PNPLA8: variants seen among roughly 807,000 people sequenced by gnomAD.
PNPLA8 encodes calcium-independent phospholipase A2-gamma.
PNPLA8 carries 39 observed loss-of-function variants against 76.9 expected under a neutral mutation model. That is an observed-to-expected ratio of 0.51 (90% CI 0.39 to 0.66). The LOEUF is 0.66. PNPLA8 is among the 30% of genes least tolerant of loss of function. The probability of loss-of-function intolerance (pLI) is 0.00; values close to 1 mark genes in which losing one functional copy is unlikely to be tolerated. For missense variants in PNPLA8, 887 were observed against 918.0 expected (o/e 0.97, Z 0.44); for synonymous variants, 301 against 307.9 (o/e 0.98, Z 0.24).
chr7:108,513,697 T>C (rs1863096014), intron 4 of PNPLA8, among the ~76,000 whole-genome samples: 1 of 152,154 alleles, frequency 6.6e-6, no homozygotes, highest in Admixed American at 6.5e-5. Context: ...CTCATTGTTT[T>C]ACTTAATATG....
At chr7:108,476,266 A>G (rs1205225211) in intron 10 of PNPLA8, among the ~76,000 whole-genome samples, 1 of 152,232 alleles carries the variant, frequency 6.6e-6, no homozygotes, top group African/African-American at 2.4e-5. Flanking sequence ...ACACTGAGGC[A>G]ACATTTCATG....
intron 4 of PNPLA8, among the ~76,000 whole-genome samples, chr7:108,504,795 G>A (rs1274276802): frequency 2.6e-5 from 4 of 152,118 alleles, no homozygotes; most frequent in Non-Finnish European, 5.9e-5. Flanking sequence ...TACTGTGTCT[G>A]GCTGGGCATG....
Position 108,502,648 on chromosome 7 carries a change from T to G in PNPLA8, c.1207-6A>C, listed in dbSNP as rs781640682. ...AAATATGGAATAATTCTTTCCTATA[T>G]TGAGAGAAAAGATACTTTGTTGCTT... On this transcript the variant is annotated splice_region_variant and splice_polypyrimidine_tract_variant and intron_variant, in intron 4 of 10. Transcript: ENST00000257694. The G allele has an allele frequency of 5.0e-6, 8 of 1,596,526 alleles. No individual in the cohort carries two copies. Among genetic ancestry groups the G allele is most frequent in the Non-Finnish European group, 6.0e-6 (7 of 1,167,442 alleles).
chr7:108,505,573 G>C (rs866125579), intron 4 of PNPLA8, among the ~76,000 whole-genome samples: 1 of 150,990 alleles, frequency 6.6e-6, no homozygotes, highest in African/African-American at 2.4e-5. Flanking sequence ...ACGTTGGCCA[G>C]GATGGTCTTG....
At chr7:108,522,363 A>G (rs1419303968) in intron 1 of PNPLA8, among the ~76,000 whole-genome samples, 1 of 151,906 alleles carries the variant, frequency 6.6e-6, no homozygotes, top group African/African-American at 2.4e-5. Flanking sequence ...TGCTACCTGG[A>G]GCCTTCATCT....
intron 4 of PNPLA8, chr7:108,510,624 T>A: frequency 6.4e-7 from 1 of 1,562,422 alleles, no homozygotes; most frequent in South Asian, 1.1e-5. Flanking sequence ...TCGACTAACA[T>A]GCTGAGGATT....
chr7:108,498,062 C>T (rs1390898438), intron 5 of PNPLA8, among the ~76,000 whole-genome samples: 1 of 122,596 alleles, frequency 8.2e-6, no homozygotes, highest in Non-Finnish European at 1.7e-5. Flanking sequence ...TTAAGAATGC[C>T]AAAAACCAAC....
At chr7:108,526,695 G>A (rs1187476114), upstream of PNPLA8, among the ~76,000 whole-genome samples, 4 of 152,202 alleles carry the variant, frequency 2.6e-5, no homozygotes, top group Non-Finnish European at 2.9e-5. Flanking sequence ...TCAAAAGCGA[G>A]TTGACATATA....
chr7:108,502,895 CTA>C (rs1862069836), intron 4 of PNPLA8: 1 of 267,008 alleles, frequency 3.7e-6, no homozygotes, highest in Admixed American at 5.2e-5. Context: ...TAATACTTAA[CTA>C]GAGAAAATAT....
chr7:108,496,237 A>C (rs1278335538), intron 7 of PNPLA8, among the ~76,000 whole-genome samples: 1 of 152,164 alleles, frequency 6.6e-6, no homozygotes, highest in East Asian at 1.9e-4. Flanking sequence ...GCGTGTGTCG[A>C]AAAACAAATA....
chr7:108,488,142 G>A (rs1442248338), intron 8 of PNPLA8, among the ~76,000 whole-genome samples, 189 bp from the exon 9 acceptor site: 1 of 152,062 alleles, frequency 6.6e-6, no homozygotes, highest in Non-Finnish European at 1.5e-5. Flanking sequence ...TATAAAGACT[G>A]AAGCAATTCT....
At position 108,479,257 on chromosome 7, in the gene PNPLA8, C is replaced by A; in HGVS notation, c.2001G>T (p.Val667=). 1.2e-6 allele frequency: 2 copies of A among 1,613,512 alleles called. No homozygotes were observed. Among genetic ancestry groups the A allele is most frequent in the Non-Finnish European group, 1.7e-6 (2 of 1,179,450 alleles). ...AGCTTGTGTATGTTACCGTGTTTCTCACATCACTCTCATAACGTCCAGTGC... is the reference window on the plus strand; with the variant it reads ...AGCTTGTGTATGTTACCGTGTTTCTAACATCACTCTCATAACGTCCAGTGC... The part of the protein sequence containing the change: ...SLGTGRYESD[V]RNTVTYTSLK... The change falls in exon 10 of 11, where the codon GTG becomes GTT. Residue 667 remains valine, a synonymous_variant. Transcript: ENST00000257694.
chr7:108,503,307 A>G (rs1396097807), intron 4 of PNPLA8, among the ~76,000 whole-genome samples: 3 of 152,216 alleles, frequency 2.0e-5, no homozygotes, highest in Admixed American at 1.3e-4. Flanking sequence ...AGCATCTTAC[A>G]TAGTCAGTAC....
rs566969126 is a variant in PNPLA8, at chr7:108,502,515, A to AGAATTCG, written c.1327_1333dup (p.Leu445ProfsTer6). 6.2e-7 allele frequency: 1 copy of AGAATTCG among 1,605,114 alleles called. No individual in the cohort carries two copies. Among genetic ancestry groups the AGAATTCG allele is most frequent in the Non-Finnish European group, 8.5e-7 (1 of 1,174,652 alleles). ...CCTTGTTCCTCCACCATCAATTGAGAGAATTCGGATTCCTCTCCCTTTCAC... is the reference window on the plus strand; with the variant it reads ...CCTTGTTCCTCCACCATCAATTGAGAGAATTCGGAATTCGGATTCCTCTCCCTTTCAC... On this transcript the variant is annotated frameshift_variant, in exon 5 of 11. Coordinates refer to ENST00000257694, the MANE Select transcript of PNPLA8 (RefSeq NM_001256007.3). LOFTEE classifies it high-confidence loss of function.
intron 5 of PNPLA8, among the ~76,000 whole-genome samples, chr7:108,497,932 G>A (rs1861661316): frequency 6.6e-6 from 1 of 150,556 alleles, no homozygotes; most frequent in Non-Finnish European, 1.5e-5. Context: ...GGGAGGTTGA[G>A]GTAAGAGGAT....
rs200683131 is a variant in PNPLA8, at chr7:108,479,262, C to T, written c.1996G>A (p.Asp666Asn). Residue 666 changes from aspartate to asparagine, a missense_variant, in exon 10 of 11, where the codon GAT becomes AAT. By Grantham distance (23) the Asp-to-Asn change is conservative. Transcript: ENST00000257694. ...GTGTATGTTACCGTGTTTCTCACAT[C>T]ACTCTCATAACGTCCAGTGCCCAGG... Reference protein sequence around the residue: ...VSLGTGRYESDVRNTVTYTSL... With the variant: ...VSLGTGRYESNVRNTVTYTSL... The T allele has an allele frequency of 6.2e-7, 1 of 1,613,430 alleles. No individual in the cohort carries two copies. Among genetic ancestry groups the T allele is most frequent in the Non-Finnish European group, 8.5e-7 (1 of 1,179,350 alleles).
chr7:108,485,089 GAAT>G (rs1452398126), intron 9 of PNPLA8, among the ~76,000 whole-genome samples: 1 of 152,136 alleles, frequency 6.6e-6, no homozygotes, highest in Non-Finnish European at 1.5e-5. Flanking sequence ...AGCCTGGTAG[GAAT>G]AATATGTATA....
intron 2 of PNPLA8, among the ~76,000 whole-genome samples, chr7:108,517,439 A>G (rs914669714): frequency 6.6e-6 from 1 of 152,222 alleles, no homozygotes. Context: ...AGTCCATAAT[A>G]AAATCTGCAC....
intron 10 of PNPLA8, among the ~76,000 whole-genome samples, chr7:108,477,150 A>T (rs560201387): frequency 6.6e-6 from 1 of 152,360 alleles, no homozygotes; most frequent in African/African-American, 2.4e-5. Flanking sequence ...TACCAGGCAC[A>T]CACAAAATAG....
Sources: gnomAD v4.1 joint callset for allele counts (sites outside exome capture counted in the v4.1 genomes callset) on GRCh38, gnomAD v4.1.1 for gene constraint, MANE v1.5 for transcripts, NCBI Gene and HGNC (gene_info 2026-07-23, HGNC 2026-07-21) for gene names.